ARHGAP24: variants seen among roughly 807,000 people sequenced by gnomAD.
The protein encoded by ARHGAP24 is rho GTPase-activating protein 24.
A neutral mutation model predicts 76.4 loss-of-function variants in ARHGAP24; 50 were observed. That is an observed-to-expected ratio of 0.65 (90% confidence interval 0.52 to 0.83). The LOEUF (loss-of-function observed/expected upper bound fraction) is 0.83, where lower values mean the gene tolerates loss of function less well. Among genes scored for constraint, ARHGAP24 ranks in the 40% least tolerant of loss-of-function variants. The pLI is 0.00. For synonymous variants in ARHGAP24, 345 were observed against 323.3 expected (o/e 1.07, Z -0.72); for missense variants, 930 against 914.2 (o/e 1.02, Z -0.22).
At chr4:85,593,361 T>C (rs1312508503) in intron 2 of ARHGAP24, among the ~76,000 whole-genome samples, 1 of 152,180 alleles carries the variant, frequency 6.6e-6, no homozygotes, top group East Asian at 1.9e-4. Flanking sequence ...TATTAACCCC[T>C]TGTCAGATAA....
At chr4:85,818,069 T>C (rs1294806426) in intron 3 of ARHGAP24, among the ~76,000 whole-genome samples, 1 of 152,210 alleles carries the variant, frequency 6.6e-6, no homozygotes, top group East Asian at 1.9e-4. Context: ...TAAATGACAT[T>C]ATATCAAGAA....
chr4:85,995,068 A>T lies in ARHGAP24; in HGVS notation c.1414A>T (p.Met472Leu), dbSNP rs1056841945. The part of the protein sequence containing the change: ...SSSLKVSGTK[M>L]GTHSVQNGTV... ...TTCACTGAAGGTATCTGGTACCAAAATGGGCACGCACAGTGTACAGAATGG... is the reference window on the plus strand; with the variant it reads ...TTCACTGAAGGTATCTGGTACCAAATTGGGCACGCACAGTGTACAGAATGG... Residue 472 changes from methionine (M) to leucine (L), a missense_variant, in exon 9 of 10, where the codon ATG becomes TTG. Physicochemically the swap from Met to Leu is conservative, Grantham distance 15. Coordinates refer to ENST00000395184, the MANE Select transcript of ARHGAP24 (RefSeq NM_001025616.3). 2.3e-5 allele frequency: 37 copies of T among 1,613,916 alleles called. No individual in the cohort carries two copies. The highest frequency in any genetic ancestry group is 3.1e-5 in the Non-Finnish European group (37 of 1,180,028).
intron 3 of ARHGAP24, among the ~76,000 whole-genome samples, chr4:85,896,883 A>T (rs1211864641): frequency 6.6e-6 from 1 of 152,224 alleles, no homozygotes; most frequent in African/African-American, 2.4e-5. Context: ...CTCCCATAGT[A>T]GAGCACATAT....
chr4:85,851,495 TG>T (rs1455753145), intron 3 of ARHGAP24, among the ~76,000 whole-genome samples: 4 of 152,212 alleles, frequency 2.6e-5, no homozygotes, highest in Non-Finnish European at 5.9e-5. Flanking sequence ...GTCATTATGA[TG>T]TTAGCTGGTT....
At chr4:85,840,597 G>A (rs1197922398) in intron 3 of ARHGAP24, among the ~76,000 whole-genome samples, 1 of 152,176 alleles carries the variant, frequency 6.6e-6, no homozygotes, top group Non-Finnish European at 1.5e-5. Flanking sequence ...TTAGTTAGCA[G>A]GATTGGCTCT....
intron 2 of ARHGAP24, among the ~76,000 whole-genome samples, chr4:85,663,416 G>A (rs1343653240): frequency 6.8e-6 from 1 of 146,962 alleles, no homozygotes; most frequent in Non-Finnish European, 1.5e-5. Flanking sequence ...AGGAGATTGT[G>A]GGCTGAGACA....
intron 3 of ARHGAP24, among the ~76,000 whole-genome samples, chr4:85,915,495 C>T (rs1055668923): frequency 3.3e-5 from 5 of 152,172 alleles, no homozygotes; most frequent in Non-Finnish European, 7.4e-5. Context: ...TAGGTATACA[C>T]GTGCCATGGT....
intron 3 of ARHGAP24, among the ~76,000 whole-genome samples, chr4:85,842,277 C>T (rs1009873684): frequency 1.3e-5 from 2 of 152,118 alleles, no homozygotes; most frequent in African/African-American, 4.8e-5. Context: ...TCAATCATTT[C>T]TATGAATTTG....
chr4:85,706,672 T>C (rs1424914014), intron 2 of ARHGAP24, among the ~76,000 whole-genome samples: 1 of 151,974 alleles, frequency 6.6e-6, no homozygotes, highest in East Asian at 1.9e-4. Context: ...TTCAAGTGAT[T>C]CTCCTGCCTC....
chr4:85,556,449 C>G (rs1419811486), intron 1 of ARHGAP24, among the ~76,000 whole-genome samples: 1 of 152,276 alleles, frequency 6.6e-6, no homozygotes, highest in South Asian at 2.1e-4. Flanking sequence ...CATATGATAG[C>G]TGCAGCTTGC....
At chr4:85,725,922 A>C (rs7697134) in intron 3 of ARHGAP24, among the ~76,000 whole-genome samples, 20,752 of 152,106 alleles carry the variant, frequency 0.14, 1,875 homozygotes, top group East Asian at 0.36. Flanking sequence ...CAAGCTTCAG[A>C]GGCCATCATG....
rs527793850 is a variant in ARHGAP24, at chr4:85,888,941, C to T, written c.269-34707C>T. On this transcript the variant is annotated intron_variant, in intron 3 of 9. Transcript: ENST00000395184. ...GCCTCCAGCTCCATTCATGTCCCTG[C>T]AAAGGACATGATCTTTTTCTTTTTT... 1.2e-4 allele frequency among the ~76,000 whole-genome samples: 19 copies of T among 152,284 alleles called. No individual in the cohort carries two copies. In the South Asian group the frequency reaches 3.9e-3, roughly 32 times the overall value.
chr4:85,487,891 A>T (rs1236472496), intron 1 of ARHGAP24, among the ~76,000 whole-genome samples: 2 of 127,344 alleles, frequency 1.6e-5, no homozygotes, highest in African/African-American at 6.2e-5. Flanking sequence ...ATATATAATA[A>T]ATATATTTTA....
In ARHGAP24 at chr4:85,475,273, C is replaced by T. The variant is rs1451771024; in HGVS notation, c.-307C>T. The T allele has an allele frequency of 6.6e-6, 1 of 152,322 alleles. No individual in the cohort carries two copies. The allele number at this position is 152,322 out of a possible 1,614,324, so 9.4% of individuals were successfully genotyped here. A position where few individuals can be genotyped will look rare whatever the true frequency, so the allele number is the denominator to read the frequency against. On this transcript the variant is annotated 5_prime_UTR_variant, in exon 1 of 10. Coordinates refer to ENST00000395184, the MANE Select transcript of ARHGAP24 (RefSeq NM_001025616.3). ...GGGGCTCGGAGACCAGGGGAGCTGT[C>T]AAGGCTGCGGCGGGGACCAGAGAGG...
chr4:85,648,179 C>T (rs1335475904), intron 2 of ARHGAP24, among the ~76,000 whole-genome samples: 1 of 152,088 alleles, frequency 6.6e-6, no homozygotes, highest in African/African-American at 2.4e-5. Flanking sequence ...TGTGGAAACT[C>T]CTGATCCTAC....
intron 9 of ARHGAP24, chr4:86,000,080 C>CTT (rs35831725): frequency 0.19 from 27,876 of 143,248 alleles, 2,995 homozygotes; most frequent in South Asian, 0.33. Context: ...TTATTGCCCT[C>CTT]TTTTTTTTTT....
chr4:85,524,809 T>C (rs1336854032), intron 1 of ARHGAP24, among the ~76,000 whole-genome samples: 2 of 152,178 alleles, frequency 1.3e-5, no homozygotes, highest in African/African-American at 4.8e-5. Context: ...ACTGGTGGCC[T>C]AGGTGATGCT....
intron 3 of ARHGAP24, among the ~76,000 whole-genome samples, chr4:85,854,502 A>C (rs1165503624): frequency 1.3e-5 from 2 of 152,204 alleles, no homozygotes; most frequent in African/African-American, 4.8e-5. Flanking sequence ...TTTCCTACCT[A>C]CTTTATTTGT....
In ARHGAP24 at chr4:85,544,090, A is replaced by C. The variant is rs374782960; in HGVS notation, c.-20-26432A>C. Among the ~76,000 whole-genome samples, 14 of 152,180 alleles carry C rather than the reference A, an allele frequency of 9.2e-5. No homozygotes were observed. The East Asian group carries it at 2.3e-3, about 25-fold the overall frequency. ...CTGCCAGCCTTTTGCCTCTCATCTAAATGATGACTTCATTGTCTTCCCAGT... is the reference window on the plus strand; with the variant it reads ...CTGCCAGCCTTTTGCCTCTCATCTACATGATGACTTCATTGTCTTCCCAGT... On this transcript the variant is annotated intron_variant, in intron 1 of 9. Coordinates refer to ENST00000395184, the MANE Select transcript of ARHGAP24 (RefSeq NM_001025616.3).
Sources: allele counts gnomAD v4.1 joint callset (sites outside exome capture counted in the v4.1 genomes callset), GRCh38; gene constraint gnomAD v4.1.1; transcripts MANE v1.5; gene names NCBI Gene and HGNC (gene_info 2026-07-23, HGNC 2026-07-21).